The following PPHLN1 variants were observed in gnomAD, a reference collection of about 807,000 sequenced individuals.
PPHLN1 encodes periphilin-1.
PPHLN1 carries 29 observed loss-of-function variants against 51.3 expected under a neutral mutation model. That is an observed-to-expected ratio of 0.57 (90% CI 0.42 to 0.77). The LOEUF is 0.77. Among genes scored for constraint, PPHLN1 ranks in the 30% least tolerant of loss-of-function variants. The pLI is 0.00. For missense variants in PPHLN1, 436 were observed against 438.4 expected (o/e 0.99, Z 0.05); for synonymous variants, 147 against 147.8 (o/e 0.99, Z 0.04).
At chr12:42,332,645 T>A in intron 1 of PPHLN1, 1 of 1,563,940 alleles carries the variant, frequency 6.4e-7, no homozygotes, top group Non-Finnish European at 8.8e-7. Flanking sequence ...ACGTCTGTAT[T>A]TCCCCCCCTT....
Position 42,335,875 on chromosome 12 carries a change from T to C in PPHLN1, c.-20-8T>C, listed in dbSNP as rs540128778. ...TATAAAATCCATAATTCTTTTTTTT[T>C]TCTTTAGTGGCTTACAGAAGAGACG... is the stretch of plus-strand genomic sequence containing the variant. On this transcript the variant is annotated splice_polypyrimidine_tract_variant and splice_region_variant and intron_variant, in intron 1 of 9. Transcript: ENST00000358314. 1.9e-5 allele frequency: 29 copies of C among 1,495,972 alleles called. No individual in the cohort carries two copies. The South Asian group carries it at 3.9e-4, about 20-fold the overall frequency. 92.7% of individuals were successfully genotyped at this position (1,495,972 alleles called of 1,614,324 possible).
At chr12:42,444,951 G>A (rs537575292), downstream of PPHLN1, 4 of 660,110 alleles carry the variant, frequency 6.1e-6, no homozygotes, top group African/African-American at 1.8e-5. Context: ...TACTCAGAGA[G>A]CTGAGGTTGG....
In PPHLN1 at chr12:42,398,977, A is replaced by C. The variant is rs1237761059; in HGVS notation, c.892A>C (p.Thr298Pro). ...TCGCTCTAAAGCAATAGCATCAAAA[A>C]CCAAAGAGATTGAACAGGTGAGAGT... The part of the protein sequence containing the change: ...TTRSKAIASK[T>P]KEIEQVYRQD... Residue 298 changes from threonine (T) to proline (P), a missense_variant, in exon 9 of 10, where the codon ACC (threonine) becomes CCC (proline). Thr to Pro is a conservative substitution (Grantham distance 38). Transcript: ENST00000358314. The C allele has an allele frequency of 2.5e-6, 4 of 1,613,928 alleles. No individual in the cohort carries two copies. Among genetic ancestry groups the C allele is most frequent in the Non-Finnish European group, 2.5e-6 (3 of 1,179,832 alleles).
At chr12:42,433,329 T>C in intron 9 of PPHLN1, 1 of 569,602 alleles carries the variant, frequency 1.8e-6, no homozygotes, top group Non-Finnish European at 3.3e-6. Flanking sequence ...TGGTTGCCAA[T>C]TATTTTCAAA....
intron 2 of PPHLN1, 122 bp from the exon 3 acceptor site, chr12:42,351,763 G>T: frequency 4.6e-6 from 3 of 649,960 alleles, no homozygotes; most frequent in Non-Finnish European, 7.0e-6. Flanking sequence ...TTTCATTAAC[G>T]CTTTTGTTTA....
intron 4 of PPHLN1, among the ~76,000 whole-genome samples, chr12:42,357,301 T>A (rs2074148825): frequency 6.6e-6 from 1 of 152,122 alleles, no homozygotes; most frequent in African/African-American, 2.4e-5. Context: ...AAGACTAATA[T>A]GAAAGAGTAA....
chr12:42,429,564 T>C (rs1474169075), intron 9 of PPHLN1, among the ~76,000 whole-genome samples: 1 of 152,328 alleles, frequency 6.6e-6, no homozygotes, highest in East Asian at 1.9e-4. Context: ...TTACAACACT[T>C]TATATTTATT....
chr12:42,397,198 T>C (rs2078318389), intron 8 of PPHLN1, among the ~76,000 whole-genome samples: 8 of 152,216 alleles, frequency 5.3e-5, no homozygotes, highest in Admixed American at 5.2e-4. Context: ...CTTCCATGGC[T>C]CTCTTTCAAA....
chr12:42,447,426 T>A (rs1230453441), downstream of PPHLN1: 1 of 152,194 alleles, frequency 6.6e-6, no homozygotes, highest in African/African-American at 2.4e-5. Context: ...GAATAGGCAG[T>A]TAGCACAGCA....
chr12:42,327,949 A>G (rs1165570818), intron 1 of PPHLN1, among the ~76,000 whole-genome samples: 1 of 152,180 alleles, frequency 6.6e-6, no homozygotes, highest in African/African-American at 2.4e-5. Flanking sequence ...AATTTTTTCA[A>G]AAAAAGTTGG....
intron 5 of PPHLN1, among the ~76,000 whole-genome samples, chr12:42,383,108 T>C (rs1467555414): frequency 2.6e-5 from 4 of 152,206 alleles, no homozygotes; most frequent in African/African-American, 9.6e-5. Context: ...CCTAAGACAA[T>C]ACTAATGGGA....
intron 2 of PPHLN1, among the ~76,000 whole-genome samples, chr12:42,341,230 C>T (rs959384696): frequency 3.9e-5 from 6 of 152,038 alleles, no homozygotes; most frequent in Non-Finnish European, 8.8e-5. Flanking sequence ...TGATCCGCCT[C>T]GGCCTCCCAA....
chr12:42,353,548 T>A (rs1183970820), intron 3 of PPHLN1, among the ~76,000 whole-genome samples: 1 of 152,116 alleles, frequency 6.6e-6, no homozygotes, highest in African/African-American at 2.4e-5. Context: ...AAGTTTGGGG[T>A]TTTATAGCTT....
chr12:42,423,282 T>C (rs1324001614), intron 9 of PPHLN1, among the ~76,000 whole-genome samples: 2 of 152,112 alleles, frequency 1.3e-5, no homozygotes, highest in Non-Finnish European at 2.9e-5. Context: ...TATTTATGGA[T>C]TTTCCCCACT....
intron 3 of PPHLN1, among the ~76,000 whole-genome samples, chr12:42,353,266 G>T (rs186841757): frequency 6.6e-6 from 1 of 152,228 alleles, no homozygotes; most frequent in African/African-American, 2.4e-5. Context: ...TAGCTAGGTT[G>T]TTTTCCCACC....
At chr12:42,423,991 A>G (rs891438417) in intron 9 of PPHLN1, among the ~76,000 whole-genome samples, 1 of 152,196 alleles carries the variant, frequency 6.6e-6, no homozygotes, top group African/African-American at 2.4e-5. Context: ...ATGGAAAATT[A>G]TAGCCTATCT....
intron 4 of PPHLN1, among the ~76,000 whole-genome samples, chr12:42,366,479 C>T (rs1023084669): frequency 9.2e-5 from 14 of 152,100 alleles, no homozygotes; most frequent in Admixed American, 5.2e-4. Flanking sequence ...CTGCCCTCCT[C>T]GGCTCCCAAA....
At chr12:42,330,802 C>T (rs1044343922) in intron 1 of PPHLN1, among the ~76,000 whole-genome samples, 8 of 152,156 alleles carry the variant, frequency 5.3e-5, no homozygotes, top group African/African-American at 1.9e-4. Context: ...CTTCGCCTCT[C>T]GGGTTCAAGC....
intron 8 of PPHLN1, 112 bp from the exon 9 acceptor site, chr12:42,398,742 C>A: frequency 2.3e-6 from 2 of 868,068 alleles, no homozygotes; most frequent in Non-Finnish European, 3.3e-6. Flanking sequence ...TTTCTTAAAA[C>A]ATGTTAAATC....
Sources: gnomAD v4.1 joint callset for allele counts (sites outside exome capture counted in the v4.1 genomes callset) on GRCh38, gnomAD v4.1.1 for gene constraint, MANE v1.5 for transcripts, NCBI Gene and HGNC (gene_info 2026-07-23, HGNC 2026-07-21) for gene names.